Variants in LRRC7 observed in about 807,000 individuals in gnomAD.
LRRC7 encodes the protein leucine rich repeat containing 7, also known as leucine-rich repeat-containing protein 7.
A neutral mutation model predicts 175.7 loss-of-function variants in LRRC7; 23 were observed. The ratio of observed to expected loss-of-function variants is 0.13; its 90% CI spans 0.09 to 0.19. The LOEUF (loss-of-function observed/expected upper bound fraction) is 0.19, where lower values mean the gene tolerates loss of function less well. LRRC7 is among the 10% of genes least tolerant of loss of function. LRRC7 has a pLI of 1.00. For missense variants in LRRC7, 1,354 were observed against 1,904.7 expected, an observed-to-expected ratio of 0.71 and a Z score of 5.38; for synonymous variants, 685 against 680.9, an observed-to-expected ratio of 1.01 and a Z score of -0.09.
chr1:69,819,577 CTGTGTGTGTGTGTGTG>C (rs71071379), intron 4 of LRRC7, among the ~76,000 whole-genome samples: 1 of 114,908 alleles, frequency 8.7e-6, no homozygotes, highest in Non-Finnish European at 1.9e-5. Context: ...CTCTCTCTCT[CTGTGTGTGTGTGTGTG>C]TGTGTGTGTG....
intron 3 of LRRC7, among the ~76,000 whole-genome samples, chr1:69,767,859 A>G (rs1671790059): frequency 1.3e-5 from 2 of 152,160 alleles, no homozygotes; most frequent in Non-Finnish European, 2.9e-5. Context: ...ATTACACTCA[A>G]TATAGAATAT....
At chr1:69,974,173 TATTTC>T (rs1195615082) in intron 8 of LRRC7, among the ~76,000 whole-genome samples, 2 of 152,234 alleles carry the variant, frequency 1.3e-5, no homozygotes, top group African/African-American at 4.8e-5. Flanking sequence ...CTATTCATCT[TATTTC>T]ATACATAAAA....
intron 2 of LRRC7, among the ~76,000 whole-genome samples, chr1:69,688,441 CT>C (rs1240114880): frequency 5.9e-5 from 9 of 152,086 alleles, no homozygotes; most frequent in African/African-American, 2.2e-4. Flanking sequence ...AATCTCATAT[CT>C]ACTAAAGAAA....
rs1666252367 is a variant in LRRC7, at chr1:70,122,318, T to C, written c.*431T>C. On this transcript the variant is annotated 3_prime_UTR_variant, in exon 27 of 27. Transcript: ENST00000651989. The stretch of plus-strand genomic sequence containing the variant: ...AATTGTAATTCCCATAAAATATTTC[T>C]AGCACAAGGTATATGTTGGCATATA... 6.5e-6 allele frequency: 1 copy of C among 153,200 alleles called. No individual in the cohort carries two copies. The highest frequency in any genetic ancestry group is 1.5e-5 in the Non-Finnish European group (1 of 68,538). 9.5% of individuals were successfully genotyped at this position (153,200 alleles called of 1,614,324 possible).
At chr1:69,686,112 A>T (rs1309172066) in intron 2 of LRRC7, among the ~76,000 whole-genome samples, 1 of 152,188 alleles carries the variant, frequency 6.6e-6, no homozygotes, top group Non-Finnish European at 1.5e-5. Context: ...AAGATTTTCA[A>T]GTATTATAAG....
chr1:70,023,117 C>T lies in LRRC7; in HGVS notation c.1546-9C>T. On this transcript the variant is annotated splice_polypyrimidine_tract_variant and intron_variant, in intron 16 of 26. Transcript: ENST00000651989. ...TTCTCCCAGAAAATGGAGATTCCTTCTCCCACAGGATCTCTCCTGCCAAGC... is the reference window on the plus strand; with the variant it reads ...TTCTCCCAGAAAATGGAGATTCCTTTTCCCACAGGATCTCTCCTGCCAAGC... The T allele has an allele frequency of 7.2e-7, 1 of 1,381,854 alleles. No individual in the cohort carries two copies. The highest frequency in any genetic ancestry group is 9.5e-7 in the Non-Finnish European group (1 of 1,055,424). 85.6% of individuals were successfully genotyped at this position (1,381,854 alleles called of 1,614,324 possible).
intron 2 of LRRC7, among the ~76,000 whole-genome samples, chr1:69,759,056 C>T (rs1244585191): frequency 6.6e-6 from 1 of 151,862 alleles, no homozygotes; most frequent in Non-Finnish European, 1.5e-5. Flanking sequence ...GGGGAAATAG[C>T]CCACACAATT....
At chr1:70,088,109 A>T (rs1039595649) in intron 24 of LRRC7, among the ~76,000 whole-genome samples, 5 of 152,354 alleles carry the variant, frequency 3.3e-5, no homozygotes, top group African/African-American at 9.6e-5. Context: ...AAATGTTTAC[A>T]ATCACTTTTA....
chr1:69,781,721 AAGAAAGAAAGAAAGAGAGAGAG>A (rs1460119085), intron 3 of LRRC7, among the ~76,000 whole-genome samples: 1 of 33,424 alleles, frequency 3.0e-5, no homozygotes, highest in Non-Finnish European at 5.3e-5. Context: ...GAAAGAAAGA[AAGAAAGAAAGAAAGAGAGAGAG>A]AGAGAGAGAG....
At chr1:70,023,021 G>A in intron 16 of LRRC7, 105 bp from the exon 17 acceptor site, 3 of 1,306,216 alleles carry the variant, frequency 2.3e-6, no homozygotes, top group Non-Finnish European at 3.1e-6. Flanking sequence ...TATTTTAAAT[G>A]CATAACTCAG....
chr1:69,878,685 G>A (rs1273824650), intron 7 of LRRC7, among the ~76,000 whole-genome samples: 1 of 151,928 alleles, frequency 6.6e-6, no homozygotes, highest in South Asian at 2.1e-4. Flanking sequence ...AGTTGTTTGT[G>A]TGATCTACTA....
intron 8 of LRRC7, among the ~76,000 whole-genome samples, chr1:69,960,515 G>C (rs993416909): frequency 1.3e-5 from 2 of 151,002 alleles, no homozygotes; most frequent in Non-Finnish European, 3.0e-5. Context: ...TATTTCTTCT[G>C]CTAGCTTTGG....
chr1:69,650,547 A>AAAAAAAAAAAAAAAAAAAAAAAAAAAAAC (rs1655675811), intron 1 of LRRC7, among the ~76,000 whole-genome samples: 1 of 150,978 alleles, frequency 6.6e-6, no homozygotes, highest in African/African-American at 2.4e-5. Flanking sequence ...CTCAAAAAAA[A>AAAAAAAAAAAAAAAAAAAAAAAAAAAAAC]AAAAAAATGC....
intron 7 of LRRC7, among the ~76,000 whole-genome samples, chr1:69,887,535 G>A (rs1645675952): frequency 6.6e-6 from 1 of 151,030 alleles, no homozygotes; most frequent in East Asian, 2.0e-4. Context: ...TTTTTTCAAA[G>A]TTTTCAACTT....
In LRRC7 at chr1:69,603,846, A is replaced by C. The variant is rs184433631; in HGVS notation, c.2+35205A>C. Reference sequence around the variant, plus strand: ...ATGTAGATGACAAGTTAGGAAGCACAATAACCACTCCCGTTTGTGGTTGCT... The same window carrying C: ...ATGTAGATGACAAGTTAGGAAGCACCATAACCACTCCCGTTTGTGGTTGCT... On this transcript the variant is annotated intron_variant, in intron 1 of 26. Transcript: ENST00000651989. Among the ~76,000 whole-genome samples the C allele has an allele frequency of 3.3e-5, 5 of 152,240 alleles. No individual in the cohort carries two copies. The East Asian group carries it at 9.7e-4, about 29-fold the overall frequency.
At chr1:69,627,020 G>A (rs1297019613) in intron 1 of LRRC7, among the ~76,000 whole-genome samples, 2 of 152,028 alleles carry the variant, frequency 1.3e-5, no homozygotes, top group Non-Finnish European at 2.9e-5. Context: ...TGTGAATAGT[G>A]CCACAATAAA....
chr1:69,841,108 T>C (rs1012824540), intron 7 of LRRC7, among the ~76,000 whole-genome samples: 1 of 152,116 alleles, frequency 6.6e-6, no homozygotes, highest in Non-Finnish European at 1.5e-5. Context: ...CTCATGAGGC[T>C]TGAATGGGCT....
intron 18 of LRRC7, among the ~76,000 whole-genome samples, chr1:70,033,509 CA>C (rs954291922): frequency 4.6e-5 from 7 of 152,128 alleles, no homozygotes; most frequent in African/African-American, 1.2e-4. Context: ...CTACTCAGAT[CA>C]GTGCAAATTC....
intron 7 of LRRC7, among the ~76,000 whole-genome samples, chr1:69,838,860 T>C (rs1681412346): frequency 6.6e-6 from 1 of 151,990 alleles, no homozygotes; most frequent in Non-Finnish European, 1.5e-5. Context: ...TTTTATGCAA[T>C]GTTTACCATA....
Sources: allele counts gnomAD v4.1 joint callset (sites outside exome capture counted in the v4.1 genomes callset), GRCh38; gene constraint gnomAD v4.1.1; transcripts MANE v1.5; gene names NCBI Gene and HGNC (gene_info 2026-07-23, HGNC 2026-07-21).